Variants in DGKB observed in about 807,000 individuals in gnomAD.
DGKB encodes the protein 90 kDa diacylglycerol kinase.
Under a neutral mutation model 114.3 loss-of-function variants are expected in DGKB, and 67 were observed. The observed-to-expected ratio is 0.59, with a 90% CI of 0.48 to 0.72. The LOEUF is 0.72. DGKB is among the 30% of genes least tolerant of loss of function. The pLI, the probability that DGKB is intolerant of heterozygous loss-of-function variation, is 0.00. For missense variants in DGKB, 907 were observed against 975.2 expected (o/e 0.93, Z 0.93); for synonymous variants, 398 against 323.1 (o/e 1.23, Z -2.49).
At chr7:14,397,050 A>C (rs1049801822) in intron 21 of DGKB, among the ~76,000 whole-genome samples, 1 of 152,088 alleles carries the variant, frequency 6.6e-6, no homozygotes, top group Admixed American at 6.6e-5. Context: ...TGGGAGAGAG[A>C]GAGAGAGAGA....
chr7:14,562,886 G>T (rs1307330244), intron 20 of DGKB, among the ~76,000 whole-genome samples: 1 of 152,140 alleles, frequency 6.6e-6, no homozygotes, highest in Non-Finnish European at 1.5e-5. Context: ...ATTGTGTTTT[G>T]AAATGTGAGG....
chr7:14,437,687 T>C (rs1829485779), intron 21 of DGKB, among the ~76,000 whole-genome samples: 1 of 151,658 alleles, frequency 6.6e-6, no homozygotes, highest in African/African-American at 2.4e-5. Flanking sequence ...CAAGGTAATC[T>C]CTGGTGAATT....
At chr7:14,667,444 T>C (rs1193081528) in intron 13 of DGKB, among the ~76,000 whole-genome samples, 2 of 152,036 alleles carry the variant, frequency 1.3e-5, no homozygotes, top group Non-Finnish European at 2.9e-5. Flanking sequence ...TCTCTAATAT[T>C]TTTTATAATG....
intron 1 of DGKB, among the ~76,000 whole-genome samples, chr7:14,883,676 G>A (rs371594997): frequency 1.1e-4 from 16 of 151,718 alleles, no homozygotes; most frequent in East Asian, 5.8e-4. Context: ...TCCCTTTTTC[G>A]GAACCTTTAT....
At chr7:14,331,302 A>C (rs890062600) in intron 23 of DGKB, among the ~76,000 whole-genome samples, 1 of 152,090 alleles carries the variant, frequency 6.6e-6, no homozygotes, top group African/African-American at 2.4e-5. Flanking sequence ...TTTAACAACC[A>C]GGTGTAATAA....
intron 23 of DGKB, among the ~76,000 whole-genome samples, chr7:14,223,582 A>G (rs1584549492): frequency 6.6e-6 from 1 of 151,904 alleles, no homozygotes; most frequent in East Asian, 1.9e-4. Flanking sequence ...TAATTCAATA[A>G]CTATATCAGT....
intron 2 of DGKB, among the ~76,000 whole-genome samples, chr7:14,836,882 G>A (rs1210183271): frequency 2.0e-5 from 3 of 152,184 alleles, no homozygotes; most frequent in African/African-American, 7.2e-5. Flanking sequence ...TCTAGTGGAA[G>A]AAAAACAGAC....
chr7:14,322,732 T>C (rs1808048212), intron 23 of DGKB, among the ~76,000 whole-genome samples: 1 of 152,130 alleles, frequency 6.6e-6, no homozygotes, highest in Non-Finnish European at 1.5e-5. Context: ...CCTTCAAATA[T>C]AAATTATATA....
At chr7:14,578,332 T>G (rs1799460102) in intron 19 of DGKB, among the ~76,000 whole-genome samples, 1 of 152,168 alleles carries the variant, frequency 6.6e-6, no homozygotes. Flanking sequence ...ACAAACACTG[T>G]GCAAACAAGT....
chr7:14,160,660 T>A (rs1315039816), intron 25 of DGKB, among the ~76,000 whole-genome samples: 1 of 152,128 alleles, frequency 6.6e-6, no homozygotes, highest in Non-Finnish European at 1.5e-5. Flanking sequence ...TGCTCATGGA[T>A]AGGAAGAATT....
intron 1 of DGKB, among the ~76,000 whole-genome samples, chr7:14,868,415 A>G (rs559278695): frequency 7.9e-5 from 12 of 151,484 alleles, no homozygotes; most frequent in East Asian, 5.9e-4. Context: ...GCTCACTGCA[A>G]TGTCCATCTC....
chr7:14,580,841 T>C, intron 19 of DGKB, 21 bp downstream of exon 19: 3 of 1,571,828 alleles, frequency 1.9e-6, no homozygotes, highest in South Asian at 2.3e-5. Flanking sequence ...GTTTCTGCTT[T>C]TGTTGTTGCA....
chr7:14,779,472 G>A (rs1246935724), intron 2 of DGKB, among the ~76,000 whole-genome samples: 3 of 152,182 alleles, frequency 2.0e-5, no homozygotes, highest in Non-Finnish European at 2.9e-5. Flanking sequence ...GGAGTTTGAG[G>A]CTGCAGTGAG....
intron 20 of DGKB, among the ~76,000 whole-genome samples, chr7:14,533,973 C>A (rs987935895): frequency 1.3e-5 from 2 of 151,926 alleles, no homozygotes; most frequent in Admixed American, 6.6e-5. Context: ...TATGATAGTA[C>A]AAATCTCACT....
intron 23 of DGKB, among the ~76,000 whole-genome samples, chr7:14,312,836 G>C (rs1168189347): frequency 6.6e-6 from 1 of 152,182 alleles, no homozygotes; most frequent in Non-Finnish European, 1.5e-5. Context: ...AATGTTCCAA[G>C]TGAAAATTAG....
At chr7:14,171,177 G>T (rs559187911) in intron 25 of DGKB, among the ~76,000 whole-genome samples, 1 of 152,132 alleles carries the variant, frequency 6.6e-6, no homozygotes, top group African/African-American at 2.4e-5. Context: ...TTATGCCAGG[G>T]AAGGTACAGA....
intron 2 of DGKB, among the ~76,000 whole-genome samples, chr7:14,765,210 G>A (rs1337863936): frequency 6.6e-6 from 1 of 151,878 alleles, no homozygotes. Flanking sequence ...CTCTATTCAG[G>A]TCTTTGCTCC....
chr7:14,911,843 T>C (rs951278058), intron 1 of DGKB, among the ~76,000 whole-genome samples: 16 of 152,342 alleles, frequency 1.1e-4, no homozygotes, highest in African/African-American at 3.8e-4. Flanking sequence ...TAATGGACCA[T>C]TCTCTGTTAT....
chr7:14,850,282 T>C (rs1359041627), intron 1 of DGKB, among the ~76,000 whole-genome samples: 1 of 152,076 alleles, frequency 6.6e-6, no homozygotes, highest in Non-Finnish European at 1.5e-5. Context: ...GAGAGTATGA[T>C]TGTGAGAAGC....
Sources: allele counts gnomAD v4.1 joint callset (sites outside exome capture counted in the v4.1 genomes callset), GRCh38; gene constraint gnomAD v4.1.1; transcripts MANE v1.5; gene names NCBI Gene and HGNC (gene_info 2026-07-23, HGNC 2026-07-21).